Variants in KCNIP4 observed in about 807,000 individuals in gnomAD.
KCNIP4 encodes the protein Kv channel-interacting protein 4.
Under a neutral mutation model 34.0 loss-of-function variants are expected in KCNIP4, and 12 were observed. The ratio of observed to expected loss-of-function variants is 0.35; its 90% CI spans 0.23 to 0.57. The LOEUF (loss-of-function observed/expected upper bound fraction) is 0.57. KCNIP4 is among the 20% of genes least tolerant of loss of function. KCNIP4 has a pLI of 0.83. For synonymous variants in KCNIP4, 124 were observed against 102.2 expected, an observed-to-expected ratio of 1.21 and a Z score of -1.29; for missense variants, 238 against 311.7, an observed-to-expected ratio of 0.76 and a Z score of 1.78.
At chr4:21,701,842 T>G (rs1712870116) in intron 1 of KCNIP4, among the ~76,000 whole-genome samples, 2 of 152,078 alleles carry the variant, frequency 1.3e-5, no homozygotes, top group Non-Finnish European at 2.9e-5. Flanking sequence ...TAGCTGGCAT[T>G]ACAGGTGCCC....
chr4:21,778,954 T>C (rs1213597641), intron 1 of KCNIP4, among the ~76,000 whole-genome samples: 1 of 151,956 alleles, frequency 6.6e-6, no homozygotes, highest in Non-Finnish European at 1.5e-5. Flanking sequence ...TTCCTAGAGT[T>C]ACTGTGAGCT....
chr4:21,504,520 A>G (rs943480382), intron 1 of KCNIP4, among the ~76,000 whole-genome samples: 166 of 144,522 alleles, frequency 1.1e-3, no homozygotes, highest in African/African-American at 3.8e-3. Flanking sequence ...AGGAAGGAAG[A>G]AAGCAAGCAA....
At chr4:21,035,133 T>A in intron 1 of KCNIP4, among the ~76,000 whole-genome samples, 1 of 152,176 alleles carries the variant, frequency 6.6e-6, no homozygotes, top group East Asian at 1.9e-4. Flanking sequence ...ATGCAATGTT[T>A]TGGGGGAGAG....
intron 1 of KCNIP4, among the ~76,000 whole-genome samples, chr4:20,920,617 C>T (rs1452986878): frequency 6.6e-6 from 1 of 152,120 alleles, no homozygotes; most frequent in African/African-American, 2.4e-5. Flanking sequence ...GAGACATGCA[C>T]AGTACATGGA....
intron 3 of KCNIP4, among the ~76,000 whole-genome samples, chr4:20,761,561 C>T (rs1754963644): frequency 6.6e-6 from 1 of 152,172 alleles, no homozygotes; most frequent in African/African-American, 2.4e-5. Flanking sequence ...AAATACCTGG[C>T]TCTCTGCCAT....
intron 1 of KCNIP4, among the ~76,000 whole-genome samples, chr4:21,086,965 C>T (rs1397904056): frequency 2.8e-4 from 39 of 139,490 alleles, no homozygotes; most frequent in Non-Finnish European, 5.3e-4. Flanking sequence ...CTTCCTTTTC[C>T]TTCCTCTCTC....
At chr4:20,959,696 G>C (rs747782055) in intron 1 of KCNIP4, among the ~76,000 whole-genome samples, 17 of 152,092 alleles carry the variant, frequency 1.1e-4, no homozygotes, top group Admixed American at 2.0e-4. Context: ...TGAGGTTTCT[G>C]TTTGTGTATC....
intron 1 of KCNIP4, among the ~76,000 whole-genome samples, chr4:21,830,804 T>C (rs1419347996): frequency 6.6e-6 from 1 of 152,124 alleles, no homozygotes; most frequent in Non-Finnish European, 1.5e-5. Context: ...TTAGGTCAAA[T>C]GGATATAAAA....
chr4:21,262,798 A>G (rs540831030), intron 1 of KCNIP4, among the ~76,000 whole-genome samples: 384 of 152,288 alleles, frequency 2.5e-3, no homozygotes, highest in Admixed American at 4.2e-3. Flanking sequence ...ATTTTATTCC[A>G]AGCATTTATC....
intron 1 of KCNIP4, among the ~76,000 whole-genome samples, chr4:20,979,785 C>CA (rs545890779): frequency 1.5e-3 from 227 of 149,222 alleles, no homozygotes; most frequent in African/African-American, 5.4e-3. Context: ...CTTGCTCCCC[C>CA]AAAGTTGAAG....
Position 20,919,917 on chromosome 4 carries a change from G to A in KCNIP4, c.62-37208C>T, listed in dbSNP as rs934676408. ...CTGGCTAACACATAACCCTACATTGGTAATTAGAATCCTCTTCTCTTTCTG... is the reference window on the plus strand; with the variant it reads ...CTGGCTAACACATAACCCTACATTGATAATTAGAATCCTCTTCTCTTTCTG... On this transcript the variant is annotated intron_variant, in intron 1 of 8. Transcript: ENST00000382152. Among the ~76,000 whole-genome samples, 3 of 151,972 alleles carry A rather than the reference G, an allele frequency of 2.0e-5. No homozygotes were observed. In the East Asian group the frequency reaches 5.8e-4, roughly 29 times the overall value.
chr4:21,046,202 C>T (rs1742406608), intron 1 of KCNIP4, among the ~76,000 whole-genome samples: 1 of 152,126 alleles, frequency 6.6e-6, no homozygotes, highest in Non-Finnish European at 1.5e-5. Flanking sequence ...GAAAACACTG[C>T]TGTTTGGTTT....
chr4:21,431,121 A>G (rs1726404510), intron 1 of KCNIP4, among the ~76,000 whole-genome samples: 1 of 152,036 alleles, frequency 6.6e-6, no homozygotes, highest in African/African-American at 2.4e-5. Flanking sequence ...AATAATATAT[A>G]TTGAATTAAA....
intron 1 of KCNIP4, among the ~76,000 whole-genome samples, chr4:21,738,666 T>G (rs2109124560): frequency 6.6e-6 from 1 of 152,328 alleles, no homozygotes; most frequent in Admixed American, 6.5e-5. Flanking sequence ...CTCATGTATC[T>G]AATTCCATCC....
chr4:20,830,616 T>C (rs985573430), intron 3 of KCNIP4, among the ~76,000 whole-genome samples: 2 of 152,144 alleles, frequency 1.3e-5, no homozygotes, highest in Non-Finnish European at 2.9e-5. Flanking sequence ...TATTTTATAA[T>C]TACTCTGCCA....
intron 1 of KCNIP4, among the ~76,000 whole-genome samples, chr4:20,904,371 G>T (rs1329826753): frequency 1.3e-5 from 2 of 148,786 alleles, no homozygotes; most frequent in East Asian, 3.9e-4. Context: ...ATATATATTT[G>T]AAACCCTAGG....
intron 1 of KCNIP4, among the ~76,000 whole-genome samples, chr4:21,470,044 G>C (rs1354383839): frequency 6.6e-6 from 1 of 152,168 alleles, no homozygotes; most frequent in South Asian, 2.1e-4. Context: ...GCATAATATT[G>C]GGACTGTCTG....
At chr4:21,392,430 A>C (rs1218067425) in intron 1 of KCNIP4, among the ~76,000 whole-genome samples, 1 of 152,196 alleles carries the variant, frequency 6.6e-6, no homozygotes, top group Admixed American at 6.6e-5. Context: ...AATTGCAATG[A>C]GTCAATAAAT....
intron 1 of KCNIP4, among the ~76,000 whole-genome samples, chr4:21,475,310 T>C (rs972615801): frequency 1.3e-5 from 2 of 152,160 alleles, no homozygotes; most frequent in African/African-American, 4.8e-5. Flanking sequence ...AGATTGATGC[T>C]AATTATCATC....
Sources: allele counts gnomAD v4.1 joint callset (sites outside exome capture counted in the v4.1 genomes callset), GRCh38; gene constraint gnomAD v4.1.1; transcripts MANE v1.5; gene names NCBI Gene and HGNC (gene_info 2026-07-23, HGNC 2026-07-21).